The following WDR47 variants were observed in gnomAD, a reference collection of about 807,000 sequenced individuals.
The protein encoded by WDR47 is WD repeat domain 47.
A neutral mutation model predicts 97.2 loss-of-function variants in WDR47; 32 were observed. That is an observed-to-expected ratio of 0.33 (90% confidence interval 0.25 to 0.44). The LOEUF (loss-of-function observed/expected upper bound fraction) is 0.44. Among genes scored for constraint, WDR47 ranks in the 20% least tolerant of loss-of-function variants. The pLI, the probability that WDR47 is intolerant of heterozygous loss-of-function variation, is 1.00. For synonymous variants in WDR47, 375 were observed against 373.5 expected, an observed-to-expected ratio of 1.00 and a Z score of -0.05; for missense variants, 782 against 1,102.3, an observed-to-expected ratio of 0.71 and a Z score of 4.11.
chr1:109,008,831 T>C (rs1051787851), intron 5 of WDR47, among the ~76,000 whole-genome samples: 6 of 141,084 alleles, frequency 4.3e-5, no homozygotes, highest in East Asian at 2.3e-4. Context: ...TAGTCTTGAA[T>C]TCCTGACCTC....
chr1:109,038,629 T>A (rs1054090504), intron 1 of WDR47, among the ~76,000 whole-genome samples: 2 of 150,712 alleles, frequency 1.3e-5, no homozygotes, highest in Non-Finnish European at 2.9e-5. Context: ...CAGTGGGCTA[T>A]CATCATGCCA....
At chr1:108,978,394 G>A (rs1265288500) in intron 13 of WDR47, among the ~76,000 whole-genome samples, 2 of 151,880 alleles carry the variant, frequency 1.3e-5, no homozygotes, top group African/African-American at 2.4e-5. Context: ...CAGGAGAATG[G>A]CGTGAACCCG....
intron 1 of WDR47, among the ~76,000 whole-genome samples, chr1:109,027,511 G>C (rs548239793): frequency 3.2e-4 from 48 of 152,064 alleles, no homozygotes; most frequent in Middle Eastern, 6.9e-3. Context: ...ACCTCTGTAA[G>C]TGATATATAC....
Position 108,993,132 on chromosome 1 carries a change from A to C in WDR47, c.1692-1803T>G, listed in dbSNP as rs545767904. Among the ~76,000 whole-genome samples, 444 of 152,232 alleles carry C rather than the reference A, an allele frequency of 2.9e-3. 4 individuals carry two copies. Among genetic ancestry groups the C allele is most frequent in the Non-Finnish European group, 4.3e-3 (294 of 67,998 alleles). On this transcript the variant is annotated intron_variant, in intron 8 of 14. Transcript: ENST00000369962. ...TGAGGAATCAACCAGCCTCGCCAAC[A>C]TGGTAAACATGGTGAAACTCCATCT...
chr1:109,002,124 G>T, intron 7 of WDR47, 100 bp downstream of exon 7: 2 of 1,321,962 alleles, frequency 1.5e-6, no homozygotes, highest in Non-Finnish European at 2.0e-6. Flanking sequence ...TGCGTAAAAA[G>T]CCTTAAAATG....
intron 7 of WDR47, 143 bp from the exon 8 acceptor site, chr1:108,995,980 A>C (rs1659722387): frequency 1.2e-6 from 1 of 838,616 alleles, no homozygotes; most frequent in African/African-American, 1.7e-5. Flanking sequence ...AATTACCACC[A>C]TCAACTTAAG....
intron 8 of WDR47, among the ~76,000 whole-genome samples, chr1:108,993,218 G>A (rs930090249): frequency 6.6e-6 from 1 of 151,962 alleles, no homozygotes; most frequent in African/African-American, 2.4e-5. Context: ...CCAGCTAGTA[G>A]GGTAGCTTAG....
At chr1:108,992,909 T>G in intron 8 of WDR47, 11 of 967,160 alleles carry the variant, frequency 1.1e-5, no homozygotes, top group Non-Finnish European at 1.7e-5. Flanking sequence ...GTGAGGAAAT[T>G]GCTAAATAAT....
At position 109,007,764 on chromosome 1, in the gene WDR47, G is replaced by A. The variant is rs1660727596; in HGVS notation, c.1131-3049C>T. On this transcript the variant is annotated intron_variant, in intron 5 of 14. Transcript: ENST00000369962. ...TAAATAACTTTCCCAAGGTCACACA[G>A]CCAATAAATGGCAAAGCTATTGTTC... Among the ~76,000 whole-genome samples the A allele has an allele frequency of 2.0e-5, 3 of 152,290 alleles. No homozygotes were observed. The South Asian group carries it at 6.2e-4, about 32-fold the overall frequency.
intron 13 of WDR47, among the ~76,000 whole-genome samples, chr1:108,980,322 T>C (rs1658243148): frequency 6.6e-6 from 1 of 151,852 alleles, no homozygotes; most frequent in South Asian, 2.1e-4. Context: ...AAAAAGTCCA[T>C]GAAACTCAAA....
intron 14 of WDR47, among the ~76,000 whole-genome samples, 199 bp downstream of exon 14, chr1:108,974,337 A>C (rs1329071066): frequency 6.6e-6 from 1 of 152,246 alleles, no homozygotes; most frequent in Non-Finnish European, 1.5e-5. Flanking sequence ...AAAAACAAAA[A>C]CAAAACCTAA....
chr1:108,983,440 G>A lies in WDR47; in HGVS notation c.1937C>T (p.Thr646Ile). 1 of 1,595,850 alleles carries A rather than the reference G, an allele frequency of 6.3e-7. No homozygotes were observed. Among genetic ancestry groups the A allele is most frequent in the Non-Finnish European group, 8.5e-7 (1 of 1,171,076 alleles). ...AAAACGTACCACCGGCTGCTTAGGA[G>A]TCTCATGTGCACTGAAAAGAAAAAT... ...PDVIDPSAHE[T>I]PKQPVVRFKR... The change falls in exon 11 of 15, where the codon ACT (threonine) becomes ATT (isoleucine). Residue 646 changes from threonine (T) to isoleucine (I), a missense_variant. Coordinates refer to ENST00000369962, the MANE Select transcript of WDR47 (RefSeq NM_001142551.2).
At position 108,975,428 on chromosome 1, in the gene WDR47, C is replaced by A. The variant is rs1374440311; in HGVS notation, c.2399-674G>T. 3.3e-5 allele frequency among the ~76,000 whole-genome samples: 5 copies of A among 152,034 alleles called. No individual in the cohort carries two copies. In the East Asian group the frequency reaches 9.6e-4, roughly 29 times the overall value. On this transcript the variant is annotated intron_variant, in intron 13 of 14. Coordinates refer to ENST00000369962, the MANE Select transcript of WDR47 (RefSeq NM_001142551.2). The stretch of plus-strand genomic sequence containing the variant: ...ACAAGGTCAGGAGATCGAGACCAGC[C>A]TGGCCAACATGGTGAAACCCCATCT...
intron 1 of WDR47, among the ~76,000 whole-genome samples, chr1:109,029,528 T>C (rs1294056196): frequency 6.6e-6 from 1 of 151,746 alleles, no homozygotes; most frequent in Non-Finnish European, 1.5e-5. Flanking sequence ...GGCGTGGTGG[T>C]GCATGCCTGT....
intron 9 of WDR47, among the ~76,000 whole-genome samples, chr1:108,989,157 A>T (rs1354464185): frequency 6.6e-6 from 1 of 152,132 alleles, no homozygotes; most frequent in African/African-American, 2.4e-5. Context: ...CCTACTACTG[A>T]TGTCATTTGA....
Position 108,971,163 on chromosome 1 carries a change from C to A in WDR47, c.*267G>T. ...ACATTGTCCATCCTGACTTGGAGTG[C>A]ACACCAACAACTGAAGAGCTCTTCT... On this transcript the variant is annotated 3_prime_UTR_variant, in exon 15 of 15. Coordinates refer to ENST00000369962, the MANE Select transcript of WDR47 (RefSeq NM_001142551.2). 1 of 385,556 alleles carries A rather than the reference C, an allele frequency of 2.6e-6. No homozygotes were observed. The highest frequency in any genetic ancestry group is 4.7e-6 in the Non-Finnish European group (1 of 213,268). The allele number at this position is 385,556 out of a possible 1,614,324, so 23.9% of individuals were successfully genotyped here.
At position 109,022,492 on chromosome 1, in the gene WDR47, A is replaced by G. The variant is rs182096141; in HGVS notation, c.158+863T>C. Among the ~76,000 whole-genome samples, 317 of 152,336 alleles carry G rather than the reference A, an allele frequency of 2.1e-3. 1 individual carries two copies. The highest frequency in any genetic ancestry group is 0.02 in the Middle Eastern group (6 of 294). ...CTTTTATTATCATACCACAACCACA[A>G]TGGAGTGATGACTCTTGTTCTTTTT... is the stretch of plus-strand genomic sequence containing the variant. On this transcript the variant is annotated intron_variant, in intron 2 of 14. Transcript: ENST00000369962.
At chr1:109,031,758 C>G (rs1662617198) in intron 1 of WDR47, among the ~76,000 whole-genome samples, 1 of 134,700 alleles carries the variant, frequency 7.4e-6, no homozygotes, top group African/African-American at 2.7e-5. Context: ...AAGACCTCTT[C>G]TCAGATCTGA....
rs139429053 is a variant in WDR47, at chr1:109,011,190, G to A, written c.856C>T (p.Pro286Ser). 4.3e-6 allele frequency: 7 copies of A among 1,614,132 alleles called. No individual in the cohort carries two copies. The highest frequency in any genetic ancestry group is 5.9e-6 in the Non-Finnish European group (7 of 1,180,042). The change falls in exon 5 of 15, where the codon CCT becomes TCT. Residue 286 changes from proline (P) to serine (S), a missense_variant. Physicochemically the swap from Pro to Ser is moderately conservative, Grantham distance 74. Transcript: ENST00000369962. ...TKAAYADLLT[P>S]LISKLSPYPS... The stretch of plus-strand genomic sequence containing the variant: ...TAGGGAGAGAGTTTGCTGATAAGAG[G>A]AGTCAAAAGATCAGCATATGCAGCT...
Sources: allele counts gnomAD v4.1 joint callset (sites outside exome capture counted in the v4.1 genomes callset), GRCh38; gene constraint gnomAD v4.1.1; transcripts MANE v1.5; gene names NCBI Gene and HGNC (gene_info 2026-07-23, HGNC 2026-07-21).